Variants in KSR2 observed in about 807,000 individuals in gnomAD.
The protein encoded by KSR2 is kinase suppressor of ras 2.
A neutral mutation model predicts 107.8 loss-of-function variants in KSR2; 25 were observed. The ratio of observed to expected loss-of-function variants is 0.23; its 90% confidence interval spans 0.17 to 0.32. The LOEUF (loss-of-function observed/expected upper bound fraction) is 0.32, where lower values mean the gene tolerates loss of function less well. Ranked by LOEUF, KSR2 falls within the 10% of genes least tolerant of loss-of-function variation. The probability of loss-of-function intolerance (pLI) is 1.00; values close to 1 mark genes in which losing one functional copy is unlikely to be tolerated. For missense variants in KSR2, 887 were observed against 1,268.9 expected, an observed-to-expected ratio of 0.70 and a Z score of 4.57; for synonymous variants, 480 against 507.0, an observed-to-expected ratio of 0.95 and a Z score of 0.71.
intron 1 of KSR2, among the ~76,000 whole-genome samples, chr12:117,861,453 A>G (rs1466372189): frequency 8.3e-6 from 1 of 119,892 alleles, no homozygotes; most frequent in Non-Finnish European, 1.6e-5. Flanking sequence ...CAGTGGCGTG[A>G]TCTCGGCTCA....
chr12:117,724,564 C>T (rs191066637), intron 4 of KSR2, among the ~76,000 whole-genome samples: 1,836 of 145,014 alleles, frequency 0.013, 17 homozygotes, highest in Middle Eastern at 0.018. Flanking sequence ...TCTGGATCAT[C>T]AGCAAAAAAA....
intron 5 of KSR2, among the ~76,000 whole-genome samples, chr12:117,656,980 GGATATA>G (rs1884195860): frequency 2.0e-5 from 1 of 50,556 alleles, no homozygotes; most frequent in Non-Finnish European, 3.7e-5. Context: ...ATATATAATA[GGATATA>G]TATATATATA....
chr12:117,959,990 C>T (rs925835781), intron 1 of KSR2, among the ~76,000 whole-genome samples: 1 of 151,798 alleles, frequency 6.6e-6, no homozygotes, highest in Non-Finnish European at 1.5e-5. Context: ...CCCCCTATGA[C>T]CAGCTTCTGT....
chr12:117,825,880 T>C (rs1363191033), intron 3 of KSR2, among the ~76,000 whole-genome samples: 1 of 141,858 alleles, frequency 7.0e-6, no homozygotes, highest in East Asian at 2.2e-4. Context: ...GACGGACAGA[T>C]GCATGCATGC....
intron 5 of KSR2, among the ~76,000 whole-genome samples, chr12:117,656,756 A>G (rs1884173331): frequency 1.3e-5 from 2 of 152,006 alleles, no homozygotes; most frequent in Non-Finnish European, 2.9e-5. Flanking sequence ...CCCAGCCTAC[A>G]TCTTTCTCCC....
chr12:117,923,927 G>A (rs1231098973), intron 1 of KSR2, among the ~76,000 whole-genome samples: 117 of 149,550 alleles, frequency 7.8e-4, no homozygotes, highest in Non-Finnish European at 7.4e-5. Flanking sequence ...TGCCCAGGCT[G>A]GAGTGCAATG....
At chr12:117,902,445 G>A (rs1463102072) in intron 1 of KSR2, among the ~76,000 whole-genome samples, 3 of 146,278 alleles carry the variant, frequency 2.1e-5, no homozygotes, top group Admixed American at 7.1e-5. Context: ...GCAGTGAGCT[G>A]AGACCATGCC....
chr12:117,696,069 T>C (rs557921193), intron 4 of KSR2, among the ~76,000 whole-genome samples: 222 of 152,324 alleles, frequency 1.5e-3, no homozygotes, highest in African/African-American at 5.2e-3. Context: ...GCTCTCCACC[T>C]GCTCAGAGCC....
chr12:117,498,851 T>C (rs1323330811), intron 14 of KSR2, among the ~76,000 whole-genome samples: 1 of 152,234 alleles, frequency 6.6e-6, no homozygotes, highest in Non-Finnish European at 1.5e-5. Flanking sequence ...TCTGCCATGA[T>C]TGTGAGGCCT....
intron 5 of KSR2, among the ~76,000 whole-genome samples, chr12:117,591,172 G>T (rs971556821): frequency 6.6e-6 from 1 of 152,186 alleles, no homozygotes; most frequent in Admixed American, 6.5e-5. Context: ...TCGTAGAATA[G>T]TCCATGAGGG....
chr12:117,822,929 T>G (rs1891614718), intron 3 of KSR2, among the ~76,000 whole-genome samples: 1 of 152,132 alleles, frequency 6.6e-6, no homozygotes, highest in South Asian at 2.1e-4. Flanking sequence ...AAGAAAAGGG[T>G]TATCCCAAGA....
chr12:117,746,721 T>G (rs682004), intron 4 of KSR2, among the ~76,000 whole-genome samples: 29,123 of 150,668 alleles, frequency 0.19, 3,454 homozygotes, highest in South Asian at 0.29. Flanking sequence ...ACAAGCAACT[T>G]AAACAAATTT....
chr12:117,809,311 T>C lies in KSR2; in HGVS notation c.472+46117A>G, dbSNP rs948676431. On this transcript the variant is annotated intron_variant, in intron 3 of 19. Coordinates refer to ENST00000339824, the MANE Select transcript of KSR2 (RefSeq NM_173598.6). ...GTTAACTTTTGGGTCTGGCTAATTC[T>C]TTGTTGATGGGGGTTGCGCTGTCCT... Among the ~76,000 whole-genome samples the C allele has an allele frequency of 2.6e-5, 4 of 152,182 alleles. No homozygotes were observed. The South Asian group carries it at 8.3e-4, about 32-fold the overall frequency.
intron 5 of KSR2, among the ~76,000 whole-genome samples, chr12:117,631,541 T>C (rs1329463762): frequency 6.6e-6 from 1 of 152,226 alleles, no homozygotes; most frequent in African/African-American, 2.4e-5. Context: ...AGAAACAATC[T>C]TGACTTTTAT....
chr12:117,781,867 G>C (rs1566011762), intron 3 of KSR2, among the ~76,000 whole-genome samples: 1 of 152,160 alleles, frequency 6.6e-6, no homozygotes, highest in Non-Finnish European at 1.5e-5. Context: ...CGAACCCAGA[G>C]ATAAAGAACA....
At chr12:117,601,996 G>A (rs1880984268) in intron 5 of KSR2, among the ~76,000 whole-genome samples, 1 of 152,316 alleles carries the variant, frequency 6.6e-6, no homozygotes, top group African/African-American at 2.4e-5. Flanking sequence ...CAACTCTGCT[G>A]TGATCACATG....
chr12:117,486,483 C>T (rs761447390), intron 14 of KSR2, among the ~76,000 whole-genome samples: 8 of 152,164 alleles, frequency 5.3e-5, no homozygotes, highest in Non-Finnish European at 1.0e-4. Context: ...CCCCTAGCAC[C>T]GTGACTGGCT....
rs1241394919 is a variant in KSR2, at chr12:117,478,339, A to G, written c.2451-1744T>C. On this transcript the variant is annotated intron_variant, in intron 16 of 19. Coordinates refer to ENST00000339824, the MANE Select transcript of KSR2 (RefSeq NM_173598.6). ...CCATTATGCCAGAAATATCCTCTAT[A>G]TGGTCCAATGTGGCAGCCACTAACC... Among the ~76,000 whole-genome samples the G allele has an allele frequency of 3.9e-5, 6 of 152,186 alleles. No individual in the cohort carries two copies. The East Asian group carries it at 5.8e-4, about 15-fold the overall frequency.
At chr12:117,720,402 T>C (rs1003895260) in intron 4 of KSR2, among the ~76,000 whole-genome samples, 1 of 152,220 alleles carries the variant, frequency 6.6e-6, no homozygotes, top group Non-Finnish European at 1.5e-5. Context: ...TATATAATAT[T>C]AGAGTGTTCA....
Sources: allele counts gnomAD v4.1 joint callset (sites outside exome capture counted in the v4.1 genomes callset), GRCh38; gene constraint gnomAD v4.1.1; transcripts MANE v1.5; gene names NCBI Gene and HGNC (gene_info 2026-07-23, HGNC 2026-07-21).